Variants in GRM7 observed in about 807,000 individuals in gnomAD.
GRM7 encodes the protein metabotropic glutamate receptor 7.
In GRM7, 35 loss-of-function variants were observed where a neutral mutation model predicts 84.5. The observed-to-expected ratio is 0.41, with a 90% CI of 0.32 to 0.55. The LOEUF (loss-of-function observed/expected upper bound fraction) is 0.55, where lower values mean the gene tolerates loss of function less well. GRM7 is among the 20% of genes least tolerant of loss of function. The pLI is 0.19. For missense variants in GRM7, 1,003 were observed against 1,194.6 expected, an observed-to-expected ratio of 0.84 and a Z score of 2.36; for synonymous variants, 487 against 455.1, an observed-to-expected ratio of 1.07 and a Z score of -0.89.
In GRM7 at chr3:7,486,771, A is replaced by C. The variant is rs1171318729; in HGVS notation, c.1515+25049A>C. Among the ~76,000 whole-genome samples, 2 of 152,180 alleles carry C rather than the reference A, an allele frequency of 1.3e-5. No individual in the cohort carries two copies. Among genetic ancestry groups the C allele is most frequent in the Non-Finnish European group, 2.9e-5 (2 of 68,022 alleles). On this transcript the variant is annotated intron_variant, in intron 7 of 9. Transcript: ENST00000357716. This position sits in a 1 kb window ranked among gnomAD's most constrained non-coding sequence, Gnocchi z 5.5. Reference sequence around the variant, plus strand: ...TCAGGTATTCTACTACAGCAACACCAAAGAAACTAAGAAAATGGATGCTGG... The same window carrying C: ...TCAGGTATTCTACTACAGCAACACCCAAGAAACTAAGAAAATGGATGCTGG...
rs58886076 is a variant in GRM7 at position 6,878,378 on chromosome 3, C to CATGT, written c.519+16471_519+16472insATGT. Among the ~76,000 whole-genome samples the CATGT allele has an allele frequency of 7.5e-3, 1,067 of 142,050 alleles. 17 individuals are homozygous for CATGT. Among genetic ancestry groups the CATGT allele is most frequent in the African/African-American group, 0.026 (1,011 of 38,388 alleles). The allele number at this position is 142,050 out of a possible 152,430, so 93.2% of individuals were successfully genotyped here. On this transcript the variant is annotated intron_variant, in intron 1 of 9. Coordinates refer to ENST00000357716, the MANE Select transcript of GRM7 (RefSeq NM_000844.4). ...CAAAGGGTGATTTTTTATGTGTTTGCGTGTGTGTGTGTGTGTGTGTGTGTG... is the reference window on the plus strand; with the variant it reads ...CAAAGGGTGATTTTTTATGTGTTTGCATGTGTGTGTGTGTGTGTGTGTGTGTGTG...
chr3:7,307,141 T>C (rs1487528304), intron 4 of GRM7, among the ~76,000 whole-genome samples: 1 of 152,146 alleles, frequency 6.6e-6, no homozygotes, highest in African/African-American at 2.4e-5. Context: ...TCCCCTCACC[T>C]TCCTAGGTCC....
At chr3:7,645,351 A>T (rs1698576057) in intron 8 of GRM7, among the ~76,000 whole-genome samples, 1 of 151,902 alleles carries the variant, frequency 6.6e-6, no homozygotes, top group South Asian at 2.1e-4. Flanking sequence ...GATTGAGACC[A>T]TCCTGGCCAA....
chr3:7,254,284 C>G (rs780120664), intron 2 of GRM7, among the ~76,000 whole-genome samples: 2 of 152,172 alleles, frequency 1.3e-5, no homozygotes, highest in Non-Finnish European at 2.9e-5. Flanking sequence ...CCCCCATTTT[C>G]ACTTTGCACT....
At position 7,078,944 on chromosome 3, in the gene GRM7, T is replaced by C. The variant is rs187164774; in HGVS notation, c.520-67508T>C. 3.3e-5 allele frequency among the ~76,000 whole-genome samples: 5 copies of C among 152,068 alleles called. No individual in the cohort carries two copies. In the East Asian group the frequency reaches 9.7e-4, roughly 29 times the overall value. Reference sequence around the variant, plus strand: ...GACTATCTTCGAAGTGAGAAAGGTATAAGAAATACAATATCGTTTTTGAGA... The same window carrying C: ...GACTATCTTCGAAGTGAGAAAGGTACAAGAAATACAATATCGTTTTTGAGA... On this transcript the variant is annotated intron_variant, in intron 1 of 9. Coordinates refer to ENST00000357716, the MANE Select transcript of GRM7 (RefSeq NM_000844.4).
chr3:7,605,423 AT>A (rs1696516696), intron 8 of GRM7, among the ~76,000 whole-genome samples: 1 of 152,218 alleles, frequency 6.6e-6, no homozygotes. Flanking sequence ...GTCTTTTAGA[AT>A]AATGATTAAG....
chr3:7,583,722 G>T (rs1263726360), intron 8 of GRM7, among the ~76,000 whole-genome samples: 1 of 152,176 alleles, frequency 6.6e-6, no homozygotes, highest in African/African-American at 2.4e-5. Flanking sequence ...TTGTTAAATT[G>T]CCAAATGCCA....
intron 2 of GRM7, among the ~76,000 whole-genome samples, chr3:7,149,792 T>C (rs1429164671): frequency 6.6e-6 from 1 of 152,174 alleles, no homozygotes; most frequent in East Asian, 1.9e-4. Context: ...ATGTATAAGA[T>C]GGTGCATGGG....
chr3:7,620,260 G>A (rs1697294947), intron 8 of GRM7, among the ~76,000 whole-genome samples: 1 of 151,920 alleles, frequency 6.6e-6, no homozygotes, highest in Non-Finnish European at 1.5e-5. Context: ...ACTATTTGGG[G>A]CACACTTATA....
chr3:7,170,210 C>G (rs1694939930), intron 2 of GRM7, among the ~76,000 whole-genome samples: 1 of 152,216 alleles, frequency 6.6e-6, no homozygotes, highest in East Asian at 1.9e-4. Context: ...CTCTTAATTA[C>G]AAAAAGCAGC....
intron 4 of GRM7, among the ~76,000 whole-genome samples, chr3:7,347,799 A>C (rs139220040): frequency 1.3e-5 from 2 of 152,126 alleles, no homozygotes; most frequent in Non-Finnish European, 2.9e-5. Flanking sequence ...ATTTAGTTCC[A>C]TGTTTCTTCT....
chr3:7,214,440 A>G (rs1050446253), intron 2 of GRM7, among the ~76,000 whole-genome samples: 3 of 152,202 alleles, frequency 2.0e-5, no homozygotes, highest in African/African-American at 7.2e-5. Context: ...AGTTCATCCT[A>G]TTGGTTTTCT....
chr3:7,261,224 A>T (rs1698409962), intron 2 of GRM7, among the ~76,000 whole-genome samples: 1 of 152,218 alleles, frequency 6.6e-6, no homozygotes, highest in South Asian at 2.1e-4. Flanking sequence ...TCTCCTGGAG[A>T]GAGCAAACAT....
chr3:7,010,371 T>C (rs111898829), intron 1 of GRM7, among the ~76,000 whole-genome samples: 2,159 of 152,286 alleles, frequency 0.014, 61 homozygotes, highest in African/African-American at 0.05. Flanking sequence ...CAAGAATTGC[T>C]TGAACCCGGG....
intron 1 of GRM7, among the ~76,000 whole-genome samples, chr3:6,969,876 C>T (rs1693673866): frequency 6.6e-6 from 1 of 152,196 alleles, no homozygotes; most frequent in Admixed American, 6.5e-5. Flanking sequence ...CCAGGAAAAG[C>T]AGAGTACTGG....
intron 9 of GRM7, among the ~76,000 whole-genome samples, chr3:7,724,983 G>T (rs1702073764): frequency 6.6e-6 from 1 of 151,840 alleles, no homozygotes; most frequent in Admixed American, 6.6e-5. Flanking sequence ...TCTTACTTTA[G>T]TGCCCATGCT....
intron 1 of GRM7, among the ~76,000 whole-genome samples, chr3:7,108,406 C>T (rs1199828761): frequency 6.6e-6 from 1 of 152,010 alleles, no homozygotes; most frequent in African/African-American, 2.4e-5. Context: ...GGTCCACTAC[C>T]ATGGCTCTGA....
chr3:7,029,311 A>AAC (rs1696100029), intron 1 of GRM7, among the ~76,000 whole-genome samples: 3 of 144,770 alleles, frequency 2.1e-5, no homozygotes, highest in East Asian at 2.0e-4. Context: ...CAAAAAAAAA[A>AAC]AAACAAAAAA....
intron 2 of GRM7, among the ~76,000 whole-genome samples, chr3:7,174,865 A>G (rs747925999): frequency 1.3e-5 from 2 of 152,236 alleles, no homozygotes; most frequent in African/African-American, 4.8e-5. Context: ...TTTGGTAGGT[A>G]GTCAGCCAAT....
Sources: gnomAD v4.1 joint callset for allele counts (sites outside exome capture counted in the v4.1 genomes callset) on GRCh38, gnomAD v4.1.1 for gene constraint, Gnocchi (gnomAD v3.1) non-coding constraint, MANE v1.5 for transcripts, NCBI Gene and HGNC (gene_info 2026-07-23, HGNC 2026-07-21) for gene names.